The following MGAM2 variants were observed in gnomAD, a reference collection of about 807,000 sequenced individuals.
MGAM2 encodes the protein probable maltase-glucoamylase 2.
In MGAM2, 98 loss-of-function variants were observed where a neutral mutation model predicts 96.1. That is an observed-to-expected ratio of 1.02 (90% CI 0.87 to 1.21). The LOEUF (loss-of-function observed/expected upper bound fraction) is 1.21. MGAM2 is among the 50% of genes most tolerant of loss of function. MGAM2 has a pLI of 0.00. For synonymous variants in MGAM2, 749 were observed against 414.8 expected (o/e 1.81, Z -9.79); for missense variants, 2,055 against 1,182.4 (o/e 1.74, Z -10.82).
At position 142,148,808 on chromosome 7, in the gene MGAM2, A is replaced by G. The variant is rs1261273623; in HGVS notation, c.1634+1235A>G. Among the ~76,000 whole-genome samples, 1 of 152,134 alleles carries G rather than the reference A, an allele frequency of 6.6e-6. No individual in the cohort carries two copies. The highest frequency in any genetic ancestry group is 2.4e-5 in the African/African-American group (1 of 41,422). On this transcript the variant is annotated intron_variant, in intron 15 of 47. Transcript: ENST00000477922. This position sits in a 1 kb window ranked among gnomAD's most constrained non-coding sequence, Gnocchi z 4.2. ...TTTCTAGAGCACTGTTGTGCTCTAC[A>G]AGACAGGGAGACTTTGATGGGTTTA...
chr7:142,120,812 C>T (rs1006950973), intron 3 of MGAM2, among the ~76,000 whole-genome samples: 29 of 152,184 alleles, frequency 1.9e-4, no homozygotes, highest in Middle Eastern at 3.4e-3. Flanking sequence ...GAGTCACCTA[C>T]GGAACTCAGG....
chr7:142,220,074 A>G lies in MGAM2; in HGVS notation c.5563A>G (p.Thr1855Ala), dbSNP rs1295044720. The change falls in exon 48 of 48, where the codon ACT becomes GCT. Residue 1855 changes from threonine (T) to alanine (A), a missense_variant. Transcript: ENST00000477922. ...SASANTTTGT[T>A]DTVPITTTSF... Reference sequence around the variant, plus strand: ...CAGTGCAAATACTACCACTGGCACTACTGATACTGTTCCTATCACAACCAC... The same window carrying G: ...CAGTGCAAATACTACCACTGGCACTGCTGATACTGTTCCTATCACAACCAC... 10 of 702,928 alleles carry G rather than the reference A, an allele frequency of 1.4e-5. No individual in the cohort carries two copies. The highest frequency in any genetic ancestry group is 2.3e-5 in the Non-Finnish European group (9 of 384,938). The allele number at this position is 702,928 out of a possible 1,614,324, so 43.5% of individuals were successfully genotyped here. A position where few individuals can be genotyped will look rare whatever the true frequency, so the allele number is the denominator to read the frequency against.
chr7:142,112,640 C>G (rs539873910), intron 1 of MGAM2, among the ~76,000 whole-genome samples: 4 of 151,910 alleles, frequency 2.6e-5, no homozygotes, highest in Non-Finnish European at 5.9e-5. Context: ...GATACATTGT[C>G]GAGAGAGTAT....
In MGAM2 at chr7:142,139,626, C is replaced by T. The variant is rs565573340; in HGVS notation, c.1086+959C>T. Among the ~76,000 whole-genome samples, 78 of 148,240 alleles carry T rather than the reference C, an allele frequency of 5.3e-4. 2 individuals carry two copies. In the South Asian group the frequency reaches 0.016, roughly 31 times the overall value. On this transcript the variant is annotated intron_variant, in intron 10 of 47. Transcript: ENST00000477922. ...AGTGAGCTGAGATCGCGCCACTACACTCCAGCCTGGGTGACAGAGTGAGGC... is the reference window on the plus strand; with the variant it reads ...AGTGAGCTGAGATCGCGCCACTACATTCCAGCCTGGGTGACAGAGTGAGGC...
intron 4 of MGAM2, among the ~76,000 whole-genome samples, 183 bp from the exon 5 acceptor site, chr7:142,131,335 G>A (rs889145094): frequency 3.9e-5 from 6 of 152,144 alleles, no homozygotes; most frequent in Non-Finnish European, 8.8e-5. Context: ...CTACTCAGGA[G>A]GCAGAGGCAG....
chr7:142,203,134 G>C (rs1374183241), intron 45 of MGAM2, among the ~76,000 whole-genome samples: 1 of 151,974 alleles, frequency 6.6e-6, no homozygotes, highest in Non-Finnish European at 1.5e-5. Context: ...GGGGTTATTT[G>C]ACTTTTGCTT....
At chr7:142,206,105 G>A (rs373364745) in intron 45 of MGAM2, among the ~76,000 whole-genome samples, 7 of 152,084 alleles carry the variant, frequency 4.6e-5, no homozygotes, top group African/African-American at 1.7e-4. Context: ...ATTACTGTGA[G>A]GATTTATTTC....
intron 6 of MGAM2, among the ~76,000 whole-genome samples, chr7:142,132,466 A>G (rs1794919426): frequency 7.1e-6 from 1 of 140,208 alleles, no homozygotes. Flanking sequence ...TATTTAAATT[A>G]TAAAATTATA....
intron 15 of MGAM2, among the ~76,000 whole-genome samples, chr7:142,149,742 A>C (rs556743554): frequency 1.6e-4 from 23 of 148,220 alleles, no homozygotes; most frequent in Admixed American, 3.3e-4. Flanking sequence ...GGGGTTTCAC[A>C]GCGTTAGCCA....
chr7:142,159,210 T>A, intron 19 of MGAM2, 77 bp from the exon 20 acceptor site: 1 of 687,280 alleles, frequency 1.5e-6, no homozygotes, highest in Non-Finnish European at 2.7e-6. Flanking sequence ...GATAGGCACA[T>A]GTAATGATGC....
At position 142,134,023 on chromosome 7, in the gene MGAM2, C is replaced by T. The variant is rs754131095; in HGVS notation, c.618C>T (p.Tyr206=). ...SIGPLQFAQQ[Y]LQLSFRLPSA... is the part of the protein sequence containing the mutation. ...GGCCCCTCCAGTTTGCCCAGCAGTA[C>T]CTGCAACTGTCTTTCCGACTGCCCA... The change falls in exon 7 of 48, where the codon TAC becomes TAT. Residue 206 remains tyrosine, a synonymous_variant. Coordinates refer to ENST00000477922, the MANE Select transcript of MGAM2 (RefSeq NM_001293626.2). The T allele has an allele frequency of 5.4e-6, 4 of 738,596 alleles. No homozygotes were observed. Among genetic ancestry groups the T allele is most frequent in the African/African-American group, 5.1e-5 (3 of 58,574 alleles). 45.8% of individuals were successfully genotyped at this position (738,596 alleles called of 1,614,324 possible). A position where few individuals can be genotyped will look rare whatever the true frequency, so the allele number is the denominator to read the frequency against.
At chr7:142,183,160 T>G (rs1796592943) in intron 32 of MGAM2, 106 bp from the exon 33 acceptor site, 15 of 602,666 alleles carry the variant, frequency 2.5e-5, no homozygotes, top group Non-Finnish European at 3.0e-5. Flanking sequence ...TTTTTGGTAT[T>G]GAGATTCACC....
intron 7 of MGAM2, among the ~76,000 whole-genome samples, chr7:142,136,018 A>G (rs1795049994): frequency 6.6e-6 from 1 of 152,314 alleles, no homozygotes; most frequent in East Asian, 1.9e-4. Context: ...CAAAAAATTC[A>G]TCTGTTTTAA....
chr7:142,157,328 C>A (rs1432170886), intron 17 of MGAM2, among the ~76,000 whole-genome samples: 1 of 151,776 alleles, frequency 6.6e-6, no homozygotes. Flanking sequence ...ATCTCCATGG[C>A]AACCCCTGTG....
At chr7:142,183,949 C>CTTTTTTT (rs1563281526) in intron 33 of MGAM2, among the ~76,000 whole-genome samples, 1 of 83,196 alleles carries the variant, frequency 1.2e-5, no homozygotes, top group African/African-American at 3.7e-5. Flanking sequence ...ATTCCAGGCT[C>CTTTTTTT]CTTTTTTTTT....
At position 142,221,102 on chromosome 7, in the gene MGAM2, T is replaced by G. The variant is rs1329622975; in HGVS notation, c.6591T>G (p.Ser2197Arg). Residue 2197 changes from serine to arginine, a missense_variant, in exon 48 of 48, where the codon AGT becomes AGG. Physicochemically the swap from Ser to Arg is moderately radical, Grantham distance 110 (BLOSUM62 -1). Transcript: ENST00000477922. ...ANTGVDTTSN[S>R]FSIMTTSFSE... ...CTGGTGTTGACACTACTAGCAACAG[T>G]TTTTCCATTATGACCACTTCTTTCT... is the stretch of plus-strand genomic sequence containing the variant. 9 of 702,390 alleles carry G rather than the reference T, an allele frequency of 1.3e-5. No homozygotes were observed. The highest frequency in any genetic ancestry group is 2.3e-5 in the Non-Finnish European group (9 of 384,778). The allele number at this position is 702,390 out of a possible 1,614,324, so 43.5% of individuals were successfully genotyped here.
chr7:142,196,110 G>A (rs184815833), intron 37 of MGAM2, 44 bp from the exon 38 acceptor site: 10 of 795,968 alleles, frequency 1.3e-5, no homozygotes, highest in Middle Eastern at 6.8e-4. Context: ...TCTCTGTAAA[G>A]GAGTTTGTTT....
At chr7:142,206,168 T>A (rs773825306) in intron 45 of MGAM2, among the ~76,000 whole-genome samples, 1 of 152,228 alleles carries the variant, frequency 6.6e-6, no homozygotes. Flanking sequence ...ATGTCAGCAC[T>A]GCACTGTCTT....
intron 35 of MGAM2, among the ~76,000 whole-genome samples, chr7:142,186,530 T>G (rs1796705017): frequency 6.6e-6 from 1 of 152,200 alleles, no homozygotes; most frequent in South Asian, 2.1e-4. Context: ...GCCATAGTAC[T>G]GGGGCAGACA....
Sources: gnomAD v4.1 joint callset for allele counts (sites outside exome capture counted in the v4.1 genomes callset) on GRCh38, gnomAD v4.1.1 for gene constraint, Gnocchi (gnomAD v3.1) non-coding constraint, MANE v1.5 for transcripts, NCBI Gene and HGNC (gene_info 2026-07-23, HGNC 2026-07-21) for gene names.